The following SPATS2L variants were observed in gnomAD, a reference collection of about 807,000 sequenced individuals.
SPATS2L encodes spermatogenesis associated serine rich 2 like, also known as SPATS2-like protein.
In SPATS2L, 30 loss-of-function variants were observed where a neutral mutation model predicts 59.6. The ratio of observed to expected loss-of-function variants is 0.50; its 90% CI spans 0.38 to 0.68. SPATS2L has a LOEUF of 0.68. Ranked by LOEUF, SPATS2L falls within the 30% of genes least tolerant of loss-of-function variation. The pLI is 0.00. For missense variants in SPATS2L, 615 were observed against 700.0 expected (o/e 0.88, Z 1.37); for synonymous variants, 252 against 263.5 (o/e 0.96, Z 0.42).
At chr2:200,391,263 A>G (rs1470836320) in intron 3 of SPATS2L, among the ~76,000 whole-genome samples, 2 of 152,258 alleles carry the variant, frequency 1.3e-5, no homozygotes, top group African/African-American at 4.8e-5. Context: ...TGTTGCAGAT[A>G]TCCTGAAATG....
At chr2:200,374,437 G>A (rs2081532771) in intron 2 of SPATS2L, among the ~76,000 whole-genome samples, 1 of 152,134 alleles carries the variant, frequency 6.6e-6, no homozygotes, top group Non-Finnish European at 1.5e-5. Context: ...GCCACTTTAT[G>A]TACATGGTTG....
intron 3 of SPATS2L, among the ~76,000 whole-genome samples, chr2:200,405,065 T>G (rs904318077): frequency 2.0e-5 from 3 of 152,146 alleles, no homozygotes; most frequent in African/African-American, 7.2e-5. Flanking sequence ...CCTAACATGT[T>G]AACAGGTTCC....
intron 3 of SPATS2L, among the ~76,000 whole-genome samples, chr2:200,407,825 GGATGGTCCACACAA>G (rs1282553095): frequency 6.6e-6 from 1 of 152,140 alleles, no homozygotes; most frequent in Non-Finnish European, 1.5e-5. Context: ...CAGAGTGCTG[GGATGGTCCACACAA>G]GATGGTGGAG....
intron 3 of SPATS2L, among the ~76,000 whole-genome samples, chr2:200,398,074 C>T (rs1369055376): frequency 1.3e-5 from 2 of 152,120 alleles, no homozygotes; most frequent in African/African-American, 2.4e-5. Flanking sequence ...AGTGTTTAGG[C>T]CAACGTTGCC....
At chr2:200,388,001 G>A (rs2082045159) in intron 2 of SPATS2L, among the ~76,000 whole-genome samples, 1 of 152,232 alleles carries the variant, frequency 6.6e-6, no homozygotes, top group South Asian at 2.1e-4. Context: ...AAAGAGATTG[G>A]ACACCAAAGG....
At chr2:200,335,413 G>A (rs547644397) in intron 2 of SPATS2L, among the ~76,000 whole-genome samples, 26 of 151,952 alleles carry the variant, frequency 1.7e-4, no homozygotes, top group African/African-American at 6.3e-4. Flanking sequence ...AGAAGATAGT[G>A]CTTGCCTCTA....
At chr2:200,407,440 A>G (rs1049521791) in intron 3 of SPATS2L, among the ~76,000 whole-genome samples, 3 of 152,080 alleles carry the variant, frequency 2.0e-5, no homozygotes, top group Admixed American at 6.5e-5. Context: ...AACACTTACT[A>G]CCTACTTTTA....
At chr2:200,324,158 C>T (rs1190061753) in intron 1 of SPATS2L, among the ~76,000 whole-genome samples, 3 of 152,174 alleles carry the variant, frequency 2.0e-5, no homozygotes, top group Non-Finnish European at 4.4e-5. Flanking sequence ...CACTGTGGAT[C>T]GCCCTTTATC....
intron 8 of SPATS2L, among the ~76,000 whole-genome samples, chr2:200,449,901 G>A (rs1325642435): frequency 6.6e-6 from 1 of 152,140 alleles, no homozygotes; most frequent in Non-Finnish European, 1.5e-5. Context: ...AAATCATATA[G>A]AAAGGCTGTA....
intron 2 of SPATS2L, among the ~76,000 whole-genome samples, chr2:200,375,994 G>GA (rs760242608): frequency 6.6e-6 from 1 of 152,114 alleles, no homozygotes. Context: ...AAAAACTGGA[G>GA]AAAAAATTAT....
chr2:200,384,595 A>G (rs892158546), intron 2 of SPATS2L, among the ~76,000 whole-genome samples: 1 of 152,076 alleles, frequency 6.6e-6, no homozygotes, highest in African/African-American at 2.4e-5. Flanking sequence ...CTCGTGATCC[A>G]CCCACCTCGG....
intron 1 of SPATS2L, among the ~76,000 whole-genome samples, chr2:200,307,356 C>T (rs2079057121): frequency 1.3e-5 from 2 of 151,820 alleles, no homozygotes; most frequent in African/African-American, 4.8e-5. Context: ...CCAGGCTGCT[C>T]TCTGGCCCGG....
At position 200,389,270 on chromosome 2, in the gene SPATS2L, A is replaced by C; in HGVS notation, c.26A>C (p.Asn9Thr). 1.3e-6 allele frequency: 2 copies of C among 1,584,144 alleles called. No individual in the cohort carries two copies. The highest frequency in any genetic ancestry group is 1.7e-6 in the Non-Finnish European group (2 of 1,162,908). MAELNTHVNVKEKIYAVRS... is the reference protein window; with the variant it reads MAELNTHVTVKEKIYAVRS... ...ATGGCTGAACTCAATACTCATGTGAATGTCAAGGAAAAGGTAAGATCAAGT... is the reference window on the plus strand; with the variant it reads ...ATGGCTGAACTCAATACTCATGTGACTGTCAAGGAAAAGGTAAGATCAAGT... Residue 9 changes from asparagine to threonine, a missense_variant, in exon 3 of 13, where the codon AAT becomes ACT. Physicochemically the swap from Asn to Thr is moderately conservative, Grantham distance 65 (BLOSUM62 0). Around this residue, in one of 3 missense-constraint regions of SPATS2L, gnomAD observed 227 missense variants for 257.4 expected, o/e 0.88. Transcript: ENST00000409140.
At chr2:200,409,338 A>G (rs1163334614) in intron 3 of SPATS2L, among the ~76,000 whole-genome samples, 1 of 152,096 alleles carries the variant, frequency 6.6e-6, no homozygotes, top group Non-Finnish European at 1.5e-5. Flanking sequence ...TCCATGCCTT[A>G]TATTTAAAGC....
At chr2:200,471,596 G>A (rs1392964419) in intron 11 of SPATS2L, among the ~76,000 whole-genome samples, 2 of 152,144 alleles carry the variant, frequency 1.3e-5, no homozygotes, top group Admixed American at 6.5e-5. Flanking sequence ...AGCACATTGA[G>A]AACCCACAGG....
At position 200,458,368 on chromosome 2, in the gene SPATS2L, CA is replaced by C. The variant is rs532624233; in HGVS notation, c.789-1400del. 5.7e-3 allele frequency among the ~76,000 whole-genome samples: 875 copies of C among 152,236 alleles called. 7 individuals carry two copies. The highest frequency in any genetic ancestry group is 0.011 in the Non-Finnish European group (717 of 68,006). ...GTAGAAATTTGATTAAATTCAGTCT[CA>C]TTTTTTTTCAGGTGGAGTAGTTCAT... On this transcript the variant is annotated intron_variant, in intron 8 of 12. Transcript: ENST00000409140.
chr2:200,467,254 T>C (rs774651807), intron 9 of SPATS2L, 36 bp from the exon 10 acceptor site: 7 of 1,355,778 alleles, frequency 5.2e-6, no homozygotes, highest in Non-Finnish European at 7.4e-6. Context: ...TGTTTCAATC[T>C]CTGGCCCTAA....
At chr2:200,414,759 A>G (rs1300865707) in intron 4 of SPATS2L, among the ~76,000 whole-genome samples, 2 of 152,264 alleles carry the variant, frequency 1.3e-5, no homozygotes, top group African/African-American at 2.4e-5. Flanking sequence ...CCGTTTCAGT[A>G]TAATTAAAAT....
At chr2:200,397,497 G>A (rs2082393282) in intron 3 of SPATS2L, among the ~76,000 whole-genome samples, 1 of 152,134 alleles carries the variant, frequency 6.6e-6, no homozygotes, top group Non-Finnish European at 1.5e-5. Context: ...CAAACAGATA[G>A]ATGCATAAAC....
Sources: gnomAD v4.1 joint callset for allele counts (sites outside exome capture counted in the v4.1 genomes callset) on GRCh38, gnomAD v4.1.1 for gene constraint, gnomAD v4.1.1 regional missense constraint, MANE v1.5 for transcripts, NCBI Gene and HGNC (gene_info 2026-07-23, HGNC 2026-07-21) for gene names.